Variants in DAB1 observed in about 807,000 individuals in gnomAD.
DAB1 encodes disabled homolog 1.
A neutral mutation model predicts 64.6 loss-of-function variants in DAB1; 15 were observed. The ratio of observed to expected loss-of-function variants is 0.23; its 90% CI spans 0.16 to 0.36. The LOEUF (loss-of-function observed/expected upper bound fraction) is 0.36, where lower values mean the gene tolerates loss of function less well. Among genes scored for constraint, DAB1 ranks in the 10% least tolerant of loss-of-function variants. The probability of loss-of-function intolerance (pLI) is 1.00; values close to 1 mark genes in which losing one functional copy is unlikely to be tolerated. For missense variants in DAB1, 596 were observed against 706.7 expected, an observed-to-expected ratio of 0.84 and a Z score of 1.78; for synonymous variants, 235 against 251.9, an observed-to-expected ratio of 0.93 and a Z score of 0.64.
chr1:57,592,016 A>G (rs899423439), intron 7 of DAB1, among the ~76,000 whole-genome samples: 6 of 152,050 alleles, frequency 3.9e-5, no homozygotes, highest in African/African-American at 1.5e-4. Flanking sequence ...CTTGCCTTGA[A>G]AGGATTTCTG....
At chr1:57,759,843 C>G (rs939478769) in intron 6 of DAB1, among the ~76,000 whole-genome samples, 1 of 152,052 alleles carries the variant, frequency 6.6e-6, no homozygotes, top group Non-Finnish European at 1.5e-5. Context: ...GTAACTTACA[C>G]GCAATTGTGC....
At chr1:58,357,895 C>G (rs748717345) in intron 3 of DAB1, among the ~76,000 whole-genome samples, 4 of 152,180 alleles carry the variant, frequency 2.6e-5, no homozygotes, top group Non-Finnish European at 5.9e-5. Flanking sequence ...ATCCTCCCTG[C>G]CTTCCTCCAC....
chr1:58,150,456 A>G (rs1178715246), intron 5 of DAB1: 1 of 152,198 alleles, frequency 6.6e-6, no homozygotes, highest in Non-Finnish European at 1.5e-5. Context: ...ACTAAAAATA[A>G]CTGGAAGACA....
intron 1 of DAB1, among the ~76,000 whole-genome samples, chr1:57,302,757 C>T (rs1673773681): frequency 6.6e-6 from 1 of 152,172 alleles, no homozygotes; most frequent in South Asian, 2.1e-4. Flanking sequence ...GTGCATGATG[C>T]TGCACCCAGC....
intron 3 of DAB1, among the ~76,000 whole-genome samples, chr1:58,491,331 C>A (rs1033476697): frequency 6.6e-6 from 1 of 152,140 alleles, no homozygotes; most frequent in Non-Finnish European, 1.5e-5. Context: ...TAAAGACCAT[C>A]AAGGCTAGGA....
At chr1:57,602,479 C>T (rs1257193808) in intron 7 of DAB1, among the ~76,000 whole-genome samples, 1 of 152,074 alleles carries the variant, frequency 6.6e-6, no homozygotes, top group Non-Finnish European at 1.5e-5. Context: ...CCTAACCCTG[C>T]TTGGAAAAAT....
At chr1:58,534,151 T>C (rs1214100377) in intron 1 of DAB1, 3 of 870,000 alleles carry the variant, frequency 3.4e-6, no homozygotes, top group Non-Finnish European at 2.0e-6. Context: ...TGAGAACATT[T>C]ACTTACTGGA....
chr1:58,504,823 TTTATCTTA>T (rs1645961521), intron 3 of DAB1, among the ~76,000 whole-genome samples: 1 of 152,214 alleles, frequency 6.6e-6, no homozygotes, highest in African/African-American at 2.4e-5. Flanking sequence ...TCATTTTTTA[TTTATCTTA>T]GCATCCTGTA....
At chr1:58,447,995 T>C (rs1645090676) in intron 3 of DAB1, among the ~76,000 whole-genome samples, 1 of 152,030 alleles carries the variant, frequency 6.6e-6, no homozygotes, top group South Asian at 2.1e-4. Context: ...GGGAATGGCA[T>C]GTCCTTTTGG....
At chr1:58,163,367 G>A (rs1420113510) in intron 4 of DAB1, among the ~76,000 whole-genome samples, 1 of 152,166 alleles carries the variant, frequency 6.6e-6, no homozygotes, top group East Asian at 1.9e-4. Context: ...CCAGGAGTGC[G>A]TGAAGCAAAG....
intron 4 of DAB1, chr1:58,228,533 G>C: frequency 2.6e-6 from 1 of 382,616 alleles, no homozygotes; most frequent in South Asian, 2.3e-5. Flanking sequence ...GGTACACTTG[G>C]TCCATTATCG....
At chr1:58,173,940 A>G (rs1010732349) in intron 4 of DAB1, among the ~76,000 whole-genome samples, 1 of 152,212 alleles carries the variant, frequency 6.6e-6, no homozygotes, top group Non-Finnish European at 1.5e-5. Flanking sequence ...TACAGGAACC[A>G]GAATAGCCAG....
chr1:58,377,622 T>C (rs1644341874), intron 3 of DAB1, among the ~76,000 whole-genome samples: 1 of 138,948 alleles, frequency 7.2e-6, no homozygotes, highest in African/African-American at 2.7e-5. Context: ...ATTTTTTCCT[T>C]CATTTCAACT....
intron 6 of DAB1, among the ~76,000 whole-genome samples, chr1:57,793,020 G>C (rs1271596270): frequency 1.3e-5 from 2 of 152,166 alleles, no homozygotes. Context: ...AGAAGCTAAG[G>C]CTCCAAGTGG....
chr1:57,324,444 A>AT (rs1675990251), intron 1 of DAB1, among the ~76,000 whole-genome samples: 1 of 152,314 alleles, frequency 6.6e-6, no homozygotes, highest in East Asian at 1.9e-4. Flanking sequence ...GTGAAGTCAG[A>AT]TAAAGAAGCA....
At chr1:57,072,496 A>G in intron 4 of DAB1, 82 bp from the exon 5 acceptor site, 1 of 1,501,266 alleles carries the variant, frequency 6.7e-7, no homozygotes. Flanking sequence ...TGTTTCAGCT[A>G]CGTGTGAACA....
intron 3 of DAB1, among the ~76,000 whole-genome samples, chr1:58,451,723 G>A (rs1645138654): frequency 6.6e-6 from 1 of 151,790 alleles, no homozygotes; most frequent in Admixed American, 6.6e-5. Flanking sequence ...GTAAACATCA[G>A]GATAGAAAAA....
At chr1:58,456,579 C>T (rs1336065752) in intron 3 of DAB1, among the ~76,000 whole-genome samples, 2 of 152,092 alleles carry the variant, frequency 1.3e-5, no homozygotes, top group Admixed American at 6.5e-5. Context: ...AAAGGATCAG[C>T]GGGGATTTGT....
intron 3 of DAB1, among the ~76,000 whole-genome samples, chr1:58,454,856 A>G (rs1645177903): frequency 6.6e-6 from 1 of 152,094 alleles, no homozygotes; most frequent in Non-Finnish European, 1.5e-5. Flanking sequence ...ACCTTTGAAT[A>G]TTTATTTTTT....
Sources: gnomAD v4.1 joint callset for allele counts (sites outside exome capture counted in the v4.1 genomes callset) on GRCh38, gnomAD v4.1.1 for gene constraint, MANE v1.5 for transcripts, NCBI Gene and HGNC (gene_info 2026-07-23, HGNC 2026-07-21) for gene names.